Variants in LAMA4 observed in about 807,000 individuals in gnomAD.
LAMA4 encodes the protein laminin subunit alpha 4, also known as laminin subunit alpha-4.
A neutral mutation model predicts 207.1 loss-of-function variants in LAMA4; 127 were observed. The ratio of observed to expected loss-of-function variants is 0.61; its 90% CI spans 0.53 to 0.71. The LOEUF is 0.71. Ranked by LOEUF, LAMA4 falls within the 30% of genes least tolerant of loss-of-function variation. The pLI is 0.00. For missense variants in LAMA4, 2,093 were observed against 2,246.5 expected (o/e 0.93, Z 1.38); for synonymous variants, 761 against 816.0 (o/e 0.93, Z 1.15).
rs1179062829 is a variant in LAMA4 at position 112,109,703 on chromosome 6, T to C, written c.5327-121A>G. ...ATCAATATGATTTACATTTCAAAAA[T>C]AGAACATAGTTATAATTGACTCATT... On this transcript the variant is annotated intron_variant, in intron 38 of 38. Coordinates refer to ENST00000230538, the MANE Select transcript of LAMA4 (RefSeq NM_001105206.3). The C allele has an allele frequency of 7.0e-6, 7 of 999,796 alleles. 2 individuals are homozygous for C. In the African/African-American group the frequency reaches 1.6e-4, roughly 22 times the overall value. 61.9% of individuals were successfully genotyped at this position (999,796 alleles called of 1,614,324 possible). A position where few individuals can be genotyped will look rare whatever the true frequency, so the allele number is the denominator to read the frequency against.
chr6:112,175,975 A>C (rs1782001563), intron 10 of LAMA4, among the ~76,000 whole-genome samples: 1 of 152,252 alleles, frequency 6.6e-6, no homozygotes, highest in African/African-American at 2.4e-5. Flanking sequence ...AGATTTGATC[A>C]AAGCTTTAAG....
Position 112,170,820 on chromosome 6 carries a change from T to G in LAMA4, c.1551+1791A>C, listed in dbSNP as rs1781666211. ...TGCAAGACATGTTACAGGATTGGAG[T>G]ATAGGGTAGGTCTCCTGGAGGAAGT... On this transcript the variant is annotated intron_variant, in intron 12 of 38. Coordinates refer to ENST00000230538, the MANE Select transcript of LAMA4 (RefSeq NM_001105206.3). 6.6e-5 allele frequency among the ~76,000 whole-genome samples: 10 copies of G among 151,852 alleles called. No homozygotes were observed. In the South Asian group the frequency reaches 1.9e-3, roughly 28 times the overall value.
chr6:112,164,880 A>G (rs1265741117), intron 13 of LAMA4, among the ~76,000 whole-genome samples: 1 of 152,240 alleles, frequency 6.6e-6, no homozygotes, highest in Non-Finnish European at 1.5e-5. Context: ...GCCACTGAAT[A>G]TAGTAGCTGC....
chr6:112,167,773 T>C (rs2114842136), intron 12 of LAMA4, among the ~76,000 whole-genome samples: 1 of 151,104 alleles, frequency 6.6e-6, no homozygotes, highest in Admixed American at 6.6e-5. Flanking sequence ...AAGATACAAT[T>C]TGTGCAAGGC....
intron 21 of LAMA4, 93 bp from the exon 22 acceptor site, chr6:112,141,015 G>T: frequency 9.0e-7 from 1 of 1,108,852 alleles, no homozygotes; most frequent in Non-Finnish European, 1.4e-6. Context: ...ATCACAAAAT[G>T]GGTAATTTTG....
At chr6:112,253,535 T>C in intron 2 of LAMA4, 1 of 513,542 alleles carries the variant, frequency 1.9e-6, no homozygotes, top group Non-Finnish European at 3.5e-6. Context: ...GACAAAAAGA[T>C]CCTGCAGTAG....
At chr6:112,254,355 C>T in intron 1 of LAMA4, 64 bp from the exon 2 acceptor site, 1 of 622,432 alleles carries the variant, frequency 1.6e-6, no homozygotes, top group Non-Finnish European at 2.8e-6. Flanking sequence ...CCCTCTCTCT[C>T]TCTCCCCTTC....
chr6:112,131,155 A>G, intron 28 of LAMA4, 54 bp from the exon 29 acceptor site: 1 of 1,552,166 alleles, frequency 6.4e-7, no homozygotes, highest in Non-Finnish European at 8.9e-7. Flanking sequence ...CAAAAGACGG[A>G]AATGTTTTCA....
At chr6:112,185,881 C>A (rs782025771) in intron 8 of LAMA4, among the ~76,000 whole-genome samples, 2 of 152,162 alleles carry the variant, frequency 1.3e-5, no homozygotes, top group Non-Finnish European at 2.9e-5. Flanking sequence ...TTGACACTGA[C>A]TTCCTGTCTG....
chr6:112,254,223 G>A lies in LAMA4; in HGVS notation c.-73C>T, dbSNP rs1787697952. ...GGTCTCCGTAGGTCTCCCGCGTGGT[G>A]CGGCGGTGCCTCGCTTATTTTCCCT... On this transcript the variant is annotated 5_prime_UTR_variant, in exon 2 of 39. Coordinates refer to ENST00000230538, the MANE Select transcript of LAMA4 (RefSeq NM_001105206.3). The A allele has an allele frequency of 3.1e-6, 5 of 1,591,432 alleles. No individual in the cohort carries two copies. The highest frequency in any genetic ancestry group is 4.3e-6 in the Non-Finnish European group (5 of 1,165,734).
At chr6:112,253,857 G>A (rs375569382) in intron 2 of LAMA4, 99 bp downstream of exon 2, 1 of 1,614,124 alleles carries the variant, frequency 6.2e-7, no homozygotes, top group Non-Finnish European at 8.5e-7. Flanking sequence ...CAAGGCACTG[G>A]GGAGAGGAAA....
intron 4 of LAMA4, among the ~76,000 whole-genome samples, chr6:112,203,154 G>T (rs1420446722): frequency 6.6e-6 from 1 of 152,140 alleles, no homozygotes; most frequent in African/African-American, 2.4e-5. Context: ...TTTATGTTTT[G>T]TCTGGTTTTG....
intron 6 of LAMA4, among the ~76,000 whole-genome samples, chr6:112,190,910 T>G (rs1188125905): frequency 1.1e-5 from 1 of 94,310 alleles, no homozygotes; most frequent in Non-Finnish European, 2.2e-5. Flanking sequence ...TTTCTTTCTT[T>G]CTTTCTTTCT....
intron 2 of LAMA4, among the ~76,000 whole-genome samples, chr6:112,227,872 G>C (rs1434343025): frequency 6.6e-6 from 1 of 152,040 alleles, no homozygotes; most frequent in Non-Finnish European, 1.5e-5. Context: ...ACATGTCCGA[G>C]GCTACATGTG....
intron 5 of LAMA4, among the ~76,000 whole-genome samples, chr6:112,193,680 G>A (rs1554349749): frequency 3.3e-5 from 5 of 152,144 alleles, no homozygotes; most frequent in African/African-American, 1.2e-4. Flanking sequence ...CACCCTGGGA[G>A]GGAGGCCACA....
intron 2 of LAMA4, among the ~76,000 whole-genome samples, chr6:112,225,415 A>T (rs1785157371): frequency 6.6e-6 from 1 of 152,252 alleles, no homozygotes; most frequent in African/African-American, 2.4e-5. Flanking sequence ...ATTTTGCATT[A>T]AAGTAATTTT....
Position 112,150,762 on chromosome 6 carries a change from T to C in LAMA4, c.2057-135A>G, listed in dbSNP as rs539588430. 9.6e-6 allele frequency: 7 copies of C among 729,650 alleles called. No individual in the cohort carries two copies. The East Asian group carries it at 1.7e-4, about 18-fold the overall frequency. 45.2% of individuals were successfully genotyped at this position (729,650 alleles called of 1,614,324 possible). On this transcript the variant is annotated intron_variant, in intron 16 of 38. Transcript: ENST00000230538. ...TGCAGTATTCTGAATACTCTGAACA[T>C]AGATCAACAATTCTGGAAAGTAGCA...
At chr6:112,182,025 AG>A (rs1782393014) in intron 9 of LAMA4, among the ~76,000 whole-genome samples, 1 of 152,138 alleles carries the variant, frequency 6.6e-6, no homozygotes, top group Non-Finnish European at 1.5e-5. Flanking sequence ...TGAACCCAGG[AG>A]GCAGAGGTTG....
chr6:112,142,385 ACT>A, intron 19 of LAMA4, 93 bp from the exon 20 acceptor site: 1 of 1,107,830 alleles, frequency 9.0e-7, no homozygotes, highest in Non-Finnish European at 1.4e-6. Flanking sequence ...GGGCCTATAA[ACT>A]CTCTTCACCT....
Sources: allele counts gnomAD v4.1 joint callset (sites outside exome capture counted in the v4.1 genomes callset), GRCh38; gene constraint gnomAD v4.1.1; transcripts MANE v1.5; gene names NCBI Gene and HGNC (gene_info 2026-07-23, HGNC 2026-07-21).